The following POLE4 variants were observed in gnomAD, a reference collection of about 807,000 sequenced individuals.
POLE4 encodes DNA polymerase epsilon 4, accessory subunit.
Under a neutral mutation model 15.6 loss-of-function variants are expected in POLE4, and 15 were observed. The observed-to-expected ratio is 0.96, with a 90% confidence interval of 0.64 to 1.48. The LOEUF (loss-of-function observed/expected upper bound fraction) is 1.48. Among genes scored for constraint, POLE4 ranks in the 40% most tolerant of loss-of-function variants. The probability of loss-of-function intolerance (pLI) is 0.00; values close to 1 mark genes in which losing one functional copy is unlikely to be tolerated. For missense variants in POLE4, 205 were observed against 151.9 expected (o/e 1.35, Z -1.84); for synonymous variants, 83 against 63.2 (o/e 1.31, Z -1.49).
chr2:74,959,356 AC>A lies in POLE4; in HGVS notation c.231del (p.Ile78LeufsTer26). On this transcript the variant is annotated frameshift_variant, in exon 2 of 4. Coordinates refer to ENST00000483063, the MANE Select transcript of POLE4 (RefSeq NM_019896.4). LOFTEE classifies it high-confidence loss of function. ...TACTTCACAGGAACTGTTTGTGGAG[AC>A]CATTGCAAAAGATGCCTACTGTTGC... ...LARAAELFVE[T>X]IAKDAYCCAQ... 6.2e-7 allele frequency: 1 copy of A among 1,613,292 alleles called. No individual in the cohort carries two copies. The highest frequency in any genetic ancestry group is 8.5e-7 in the Non-Finnish European group (1 of 1,179,256).
At position 74,970,006 on chromosome 2, in the gene POLE4, CTA is replaced by C. The variant is rs1048928657; in HGVS notation, c.*588_*589del. 1 of 152,480 alleles carries C rather than the reference CTA, an allele frequency of 6.6e-6. No homozygotes were observed. Among genetic ancestry groups the C allele is most frequent in the Non-Finnish European group, 1.5e-5 (1 of 68,290 alleles). 9.4% of individuals were successfully genotyped at this position (152,480 alleles called of 1,614,324 possible). ...TTATTTATTGACATATCCACATACT[CTA>C]TATTTCACCAATTTAAAGTGTACAA... On this transcript the variant is annotated 3_prime_UTR_variant, in exon 4 of 4. Coordinates refer to ENST00000483063, the MANE Select transcript of POLE4 (RefSeq NM_019896.4).
chr2:74,963,478 A>G (rs1671252893), intron 3 of POLE4, among the ~76,000 whole-genome samples: 1 of 151,972 alleles, frequency 6.6e-6, no homozygotes, highest in African/African-American at 2.4e-5. Flanking sequence ...GACTTATAAA[A>G]ATGCTTGCTG....
chr2:74,964,353 A>C (rs1220247965), intron 3 of POLE4, among the ~76,000 whole-genome samples: 1 of 152,170 alleles, frequency 6.6e-6, no homozygotes, highest in Non-Finnish European at 1.5e-5. Context: ...GAATCTGTCA[A>C]ATTCCACAAA....
chr2:74,963,412 T>C (rs1190648498), intron 3 of POLE4, among the ~76,000 whole-genome samples: 1 of 152,252 alleles, frequency 6.6e-6, no homozygotes, highest in African/African-American at 2.4e-5. Context: ...ATGCCCATTT[T>C]TTTTTGAGGG....
chr2:74,963,270 T>C (rs975766514), intron 3 of POLE4, among the ~76,000 whole-genome samples: 5 of 152,226 alleles, frequency 3.3e-5, no homozygotes, highest in African/African-American at 1.2e-4. Flanking sequence ...TTGCTTCTCA[T>C]TCTTACCCAC....
intron 3 of POLE4, among the ~76,000 whole-genome samples, chr2:74,964,027 A>G (rs1220238417): frequency 6.8e-6 from 1 of 147,354 alleles, no homozygotes; most frequent in African/African-American, 2.4e-5. Context: ...GTCTTTCATA[A>G]CAGTGGAGTT....
chr2:74,959,021 G>A, intron 1 of POLE4, 129 bp downstream of exon 1: 3 of 851,032 alleles, frequency 3.5e-6, no homozygotes, highest in East Asian at 5.4e-5. Flanking sequence ...GGACCCGGAA[G>A]GCGGAGGAAA....
Position 74,969,563 on chromosome 2 carries a change from G to GA in POLE4, c.*142dup, listed in dbSNP as rs1409724722. The stretch of plus-strand genomic sequence containing the variant: ...GCCTTCACCTATGCCGGGATAAGCA[G>GA]AGATCTCATCAATTAGCTCTTCTCT... On this transcript the variant is annotated 3_prime_UTR_variant, in exon 4 of 4. Transcript: ENST00000483063. 1.5e-5 allele frequency: 12 copies of GA among 800,878 alleles called. No homozygotes were observed. The East Asian group carries it at 2.7e-4, about 18-fold the overall frequency. The allele number at this position is 800,878 out of a possible 1,614,324, so 49.6% of individuals were successfully genotyped here. A position where few individuals can be genotyped will look rare whatever the true frequency, so the allele number is the denominator to read the frequency against.
At chr2:74,961,566 T>C (rs1209563477) in intron 3 of POLE4, 2 of 152,228 alleles carry the variant, frequency 1.3e-5, no homozygotes, top group East Asian at 3.8e-4. Context: ...TGATCAGATT[T>C]GTATTTTAAG....
chr2:74,962,254 A>C (rs1671230010), intron 3 of POLE4, among the ~76,000 whole-genome samples: 1 of 152,182 alleles, frequency 6.6e-6, no homozygotes, highest in African/African-American at 2.4e-5. Context: ...TGTTGTGTCC[A>C]ATTTTTAATG....
At position 74,958,896 on chromosome 2, in the gene POLE4, C is replaced by T. The variant is rs1403620311; in HGVS notation, c.213+4C>T. 6.4e-7 allele frequency: 1 copy of T among 1,552,408 alleles called. No homozygotes were observed. Among genetic ancestry groups the T allele is most frequent in the Non-Finnish European group, 8.7e-7 (1 of 1,147,588 alleles). ...CTTCATTCTGGCACGAGCCGCGGTG[C>T]GCCTGCAGCGCGAGGGCATGCGGGA... On this transcript the variant is annotated splice_donor_region_variant and intron_variant, in intron 1 of 3. Coordinates refer to ENST00000483063, the MANE Select transcript of POLE4 (RefSeq NM_019896.4).
At position 74,959,442 on chromosome 2, in the gene POLE4, G is replaced by A. The variant is rs751272599; in HGVS notation, c.298+17G>A. The A allele has an allele frequency of 1.3e-6, 2 of 1,546,088 alleles. No individual in the cohort carries two copies. The highest frequency in any genetic ancestry group is 2.2e-5 in the South Asian group (2 of 89,564). The stretch of plus-strand genomic sequence containing the variant: ...GAGACTTGGGTAGAGTGGCACTGCA[G>A]TGTCTGGGGACAGACAAGGGAGGGC... On this transcript the variant is annotated intron_variant, in intron 2 of 3. Transcript: ENST00000483063.
chr2:74,965,180 G>T (rs1222661753), intron 3 of POLE4, among the ~76,000 whole-genome samples: 1 of 149,584 alleles, frequency 6.7e-6, no homozygotes, highest in African/African-American at 2.5e-5. Context: ...TGCAACCTCT[G>T]CCTCCTGGGT....
At chr2:74,960,028 A>C in intron 2 of POLE4, 77 bp from the exon 3 acceptor site, 2 of 1,230,892 alleles carry the variant, frequency 1.6e-6, no homozygotes, top group South Asian at 1.2e-5. Flanking sequence ...CATGCCCTTC[A>C]CTGCAGATTG....
chr2:74,963,185 T>TC (rs1671249189), intron 3 of POLE4, among the ~76,000 whole-genome samples: 1 of 152,216 alleles, frequency 6.6e-6, no homozygotes, highest in Admixed American at 6.5e-5. Context: ...TATTCGTATC[T>TC]CCATCTTTGG....
intron 2 of POLE4, 132 bp from the exon 3 acceptor site, chr2:74,959,973 C>A: frequency 1.4e-6 from 1 of 705,164 alleles, no homozygotes; most frequent in South Asian, 1.7e-5. Context: ...GATCTCAAGG[C>A]AGCAAGGGAC....
rs1269666375 is a variant in POLE4, at chr2:74,958,695, G to A, written c.16G>A (p.Ala6Thr). Residue 6 changes from alanine to threonine, a missense_variant, in exon 1 of 4, where the codon GCG becomes ACG. Coordinates refer to ENST00000483063, the MANE Select transcript of POLE4 (RefSeq NM_019896.4). MAAAA[A>T]AGSGTPREEE... is the part of the protein sequence containing the mutation. ...CAAGGCCGGGATGGCGGCGGCGGCG[G>A]CGGCAGGAAGCGGGACGCCCCGAGA... 2 of 1,472,058 alleles carry A rather than the reference G, an allele frequency of 1.4e-6. No homozygotes were observed. Among genetic ancestry groups the A allele is most frequent in the Non-Finnish European group, 9.0e-7 (1 of 1,117,272 alleles). 91.2% of individuals were successfully genotyped at this position (1,472,058 alleles called of 1,614,324 possible).
intron 3 of POLE4, among the ~76,000 whole-genome samples, chr2:74,964,346 T>G (rs573249015): frequency 6.6e-6 from 1 of 152,332 alleles, no homozygotes; most frequent in African/African-American, 2.4e-5. Flanking sequence ...CATTTTAGAA[T>G]CTGTCAAATT....
At chr2:74,961,137 T>A (rs1441796381) in intron 3 of POLE4, 2 of 152,558 alleles carry the variant, frequency 1.3e-5, no homozygotes, top group African/African-American at 4.8e-5. Context: ...TTTGATTGAA[T>A]AGCTTAGCAA....
Sources: gnomAD v4.1 joint callset for allele counts (sites outside exome capture counted in the v4.1 genomes callset) on GRCh38, gnomAD v4.1.1 for gene constraint, MANE v1.5 for transcripts, NCBI Gene and HGNC (gene_info 2026-07-23, HGNC 2026-07-21) for gene names.